The following PPP1R12A variants were observed in gnomAD, a reference collection of about 807,000 sequenced individuals.
PPP1R12A encodes protein phosphatase 1 regulatory subunit 12A.
Under a neutral mutation model 139.6 loss-of-function variants are expected in PPP1R12A, and 19 were observed. The observed-to-expected ratio is 0.14, with a 90% CI of 0.09 to 0.20. The LOEUF (loss-of-function observed/expected upper bound fraction) is 0.20, where lower values mean the gene tolerates loss of function less well. PPP1R12A is among the 10% of genes least tolerant of loss of function. The pLI, the probability that PPP1R12A is intolerant of heterozygous loss-of-function variation, is 1.00. For missense variants in PPP1R12A, 925 were observed against 1,211.5 expected (o/e 0.76, Z 3.51); for synonymous variants, 427 against 420.6 (o/e 1.02, Z -0.19).
At chr12:79,935,434 C>T, upstream of PPP1R12A, 1 of 990,380 alleles carries the variant, frequency 1.0e-6, no homozygotes, top group African/African-American at 1.7e-5. Flanking sequence ...AGTGGAACCG[C>T]AAGGCTCTAC....
intron 1 of PPP1R12A, among the ~76,000 whole-genome samples, chr12:79,910,310 T>C (rs962280420): frequency 1.3e-5 from 2 of 151,864 alleles, no homozygotes; most frequent in Non-Finnish European, 2.9e-5. Flanking sequence ...AGAAACCTTG[T>C]CTCCACTAAA....
At position 79,827,509 on chromosome 12, in the gene PPP1R12A, C is replaced by T. The variant is rs1029743115; in HGVS notation, c.792+811G>A. On this transcript the variant is annotated intron_variant, in intron 5 of 24. Transcript: ENST00000450142. ...AGGTAATCAAACCCACTAGAGGAGA[C>T]GTGTTTTGAGTTCTCCATGATACTT... is the stretch of plus-strand genomic sequence containing the variant. Among the ~76,000 whole-genome samples the T allele has an allele frequency of 3.3e-5, 5 of 152,092 alleles. No individual in the cohort carries two copies. The South Asian group carries it at 1.0e-3, about 32-fold the overall frequency.
chr12:79,799,845 C>CA (rs1035982838), intron 14 of PPP1R12A, among the ~76,000 whole-genome samples: 1 of 151,560 alleles, frequency 6.6e-6, no homozygotes, highest in African/African-American at 2.4e-5. Flanking sequence ...CCTGTCGCTA[C>CA]AAAAAAATAG....
At chr12:79,788,222 C>G (rs1483006495) in intron 21 of PPP1R12A, 1 of 153,828 alleles carries the variant, frequency 6.5e-6, no homozygotes, top group African/African-American at 2.4e-5. Context: ...GATATAGTTT[C>G]TGCGATTTAT....
chr12:79,849,404 A>G (rs1252472857), intron 2 of PPP1R12A, among the ~76,000 whole-genome samples: 1 of 152,138 alleles, frequency 6.6e-6, no homozygotes, highest in African/African-American at 2.4e-5. Context: ...GGAAAAAAAA[A>G]AGAAAGAAAG....
intron 2 of PPP1R12A, among the ~76,000 whole-genome samples, chr12:79,871,587 C>T (rs1882572704): frequency 6.6e-6 from 1 of 152,070 alleles, no homozygotes; most frequent in South Asian, 2.1e-4. Context: ...AAACAACTTG[C>T]CAAGGTTATA....
At chr12:79,827,053 C>T (rs907028040) in intron 5 of PPP1R12A, among the ~76,000 whole-genome samples, 2 of 152,096 alleles carry the variant, frequency 1.3e-5, no homozygotes, top group African/African-American at 2.4e-5. Flanking sequence ...AGAGGTAACA[C>T]GACTTGCGAA....
intron 21 of PPP1R12A, chr12:79,786,735 C>T: frequency 3.8e-6 from 1 of 264,042 alleles, no homozygotes; most frequent in Non-Finnish European, 7.1e-6. Flanking sequence ...TTCAGGTTAT[C>T]TTAAAAAAGA....
rs372034431 is a variant in PPP1R12A, at chr12:79,808,583, C to T, written c.1456-6G>A. The T allele has an allele frequency of 5.6e-4, 878 of 1,557,420 alleles. 1 individual carries two copies. Among genetic ancestry groups the T allele is most frequent in the Non-Finnish European group, 7.2e-4 (820 of 1,135,216 alleles). ...GTTCCTTTACTATCTTTCTCCTACA[C>T]AACAGGGAAAAAAATAAGTAAAAAT... On this transcript the variant is annotated splice_polypyrimidine_tract_variant and splice_region_variant and intron_variant, in intron 10 of 24. Coordinates refer to ENST00000450142, the MANE Select transcript of PPP1R12A (RefSeq NM_002480.3).
chr12:79,842,671 A>T (rs1878882070), intron 3 of PPP1R12A, among the ~76,000 whole-genome samples: 1 of 151,922 alleles, frequency 6.6e-6, no homozygotes, highest in Non-Finnish European at 1.5e-5. Flanking sequence ...TTTTAATTGT[A>T]GTAAAATAAA....
At chr12:79,919,927 T>G (rs1887310300) in intron 1 of PPP1R12A, among the ~76,000 whole-genome samples, 1 of 152,216 alleles carries the variant, frequency 6.6e-6, no homozygotes, top group Admixed American at 6.5e-5. Context: ...CCATTTAAAG[T>G]GTACAAATAA....
chr12:79,797,070 T>A, intron 16 of PPP1R12A, 120 bp from the exon 17 acceptor site: 1 of 1,364,112 alleles, frequency 7.3e-7, no homozygotes, highest in South Asian at 1.4e-5. Context: ...GTAATTCAAA[T>A]TTCCAGCTAA....
rs534543087 is a variant in PPP1R12A, at chr12:79,926,135, C to T, written c.237+8560G>A. Among the ~76,000 whole-genome samples the T allele has an allele frequency of 1.8e-4, 27 of 152,178 alleles. 1 individual carries two copies. The highest frequency in any genetic ancestry group is 6.2e-4 in the South Asian group (3 of 4,820). On this transcript the variant is annotated intron_variant, in intron 1 of 24. Coordinates refer to ENST00000450142, the MANE Select transcript of PPP1R12A (RefSeq NM_002480.3). ...TTAAACTAAGTTACATAAACTGAAG[C>T]GTCTATTGATAATCAGTAATAGATC...
intron 2 of PPP1R12A, among the ~76,000 whole-genome samples, chr12:79,856,643 G>A (rs916526407): frequency 5.3e-5 from 8 of 152,160 alleles, no homozygotes; most frequent in African/African-American, 1.9e-4. Context: ...AATCCTTCTA[G>A]TTCTTTTTTT....
chr12:79,801,232 C>T (rs1408608292), intron 14 of PPP1R12A, among the ~76,000 whole-genome samples: 3 of 148,612 alleles, frequency 2.0e-5, no homozygotes, highest in Non-Finnish European at 4.4e-5. Context: ...GTAATCCTAG[C>T]TACTCAGGAG....
At chr12:79,866,307 T>G (rs1210717483) in intron 2 of PPP1R12A, among the ~76,000 whole-genome samples, 1 of 152,164 alleles carries the variant, frequency 6.6e-6, no homozygotes, top group East Asian at 1.9e-4. Context: ...TTACAACTTA[T>G]ACAAAAATCA....
chr12:79,819,063 C>T (rs1875760005), intron 8 of PPP1R12A: 1 of 152,132 alleles, frequency 6.6e-6, no homozygotes, highest in African/African-American at 2.4e-5. Context: ...GGCACAACTG[C>T]CACTAGCAAC....
At chr12:79,935,229 C>T (rs1888579432), upstream of PPP1R12A, 1 of 1,255,502 alleles carries the variant, frequency 8.0e-7, no homozygotes, top group Non-Finnish European at 1.0e-6. Context: ...CGCCCTTCGA[C>T]CAGTGCGCAT....
chr12:79,846,031 C>A (rs1342947590), intron 2 of PPP1R12A, among the ~76,000 whole-genome samples: 1 of 151,962 alleles, frequency 6.6e-6, no homozygotes, highest in Non-Finnish European at 1.5e-5. Context: ...AGTTCTTAAG[C>A]TGGGGTTCAT....
Sources: allele counts gnomAD v4.1 joint callset (sites outside exome capture counted in the v4.1 genomes callset), GRCh38; gene constraint gnomAD v4.1.1; transcripts MANE v1.5; gene names NCBI Gene and HGNC (gene_info 2026-07-23, HGNC 2026-07-21).